Variants in PIPOX observed in about 807,000 individuals in gnomAD.
The protein encoded by PIPOX is peroxisomal sarcosine oxidase.
A neutral mutation model predicts 47.9 loss-of-function variants in PIPOX; 45 were observed. The observed-to-expected ratio is 0.94, with a 90% CI of 0.74 to 1.20. The LOEUF is 1.20. Among genes scored for constraint, PIPOX ranks in the 50% most tolerant of loss-of-function variants. The pLI is 0.00. For missense variants in PIPOX, 458 were observed against 498.4 expected (o/e 0.92, Z 0.77); for synonymous variants, 165 against 191.3 (o/e 0.86, Z 1.13).
intron 7 of PIPOX, 124 bp from the exon 8 acceptor site, chr17:29,056,051 G>A: frequency 7.4e-7 from 1 of 1,347,160 alleles, no homozygotes; most frequent in Non-Finnish European, 1.1e-6. Context: ...CATGGTGGGA[G>A]GCCACTTCTG....
chr17:29,045,821 C>A (rs963104005), intron 2 of PIPOX, among the ~76,000 whole-genome samples: 8 of 152,174 alleles, frequency 5.3e-5, no homozygotes, highest in African/African-American at 1.9e-4. Flanking sequence ...CCTGTAGGAA[C>A]AAAATGGGGA....
rs2065812578 is a variant in PIPOX, at chr17:29,053,037, A to G, written c.381A>G (p.Gln127=). 2 of 1,614,102 alleles carry G rather than the reference A, an allele frequency of 1.2e-6. No individual in the cohort carries two copies. The highest frequency in any genetic ancestry group is 1.7e-6 in the Non-Finnish European group (2 of 1,180,040). Residue 127 remains glutamine (Q), a synonymous_variant, in exon 3 of 8, where the codon CAA becomes CAG. Transcript: ENST00000323372. ...GTCTTTCATCTGAGGAACTGAAGCA[A>G]CGTTTCCCAAATATTCGGTTGCCCA... ...HQCLSSEELK[Q]RFPNIRLPRG...
Position 29,054,640 on chromosome 17 carries a change from T to TC in PIPOX, c.760dup (p.His254ProfsTer28). 1.9e-6 allele frequency: 3 copies of TC among 1,614,068 alleles called. No individual in the cohort carries two copies. The highest frequency in any genetic ancestry group is 2.5e-6 in the Non-Finnish European group (3 of 1,179,992). ...CGTGCTTCCTGTGGCTGGGCTTGTG[T>TC]CCCCACCACATCTACGGACTGCCCA... On this transcript the variant is annotated frameshift_variant, in exon 5 of 8. Coordinates refer to ENST00000323372, the MANE Select transcript of PIPOX (RefSeq NM_016518.3). LOFTEE classifies it high-confidence loss of function.
At position 29,053,014 on chromosome 17, in the gene PIPOX, C is replaced by G. The variant is rs1177295261; in HGVS notation, c.358C>G (p.Leu120Val). 1.9e-6 allele frequency: 3 copies of G among 1,614,106 alleles called. No individual in the cohort carries two copies. Among genetic ancestry groups the G allele is most frequent in the Non-Finnish European group, 2.5e-6 (3 of 1,180,026 alleles). Residue 120 changes from leucine to valine, a missense_variant, in exon 3 of 8, where the codon CTT becomes GTT. Physicochemically the swap from Leu to Val is conservative, Grantham distance 32. Coordinates refer to ENST00000323372, the MANE Select transcript of PIPOX (RefSeq NM_016518.3). ...GAGGCAGAGGGTAGAACACCAGTGT[C>G]TTTCATCTGAGGAACTGAAGCAACG... ...LSRQRVEHQC[L>V]SSEELKQRFP...
At chr17:29,053,161 C>G (rs574205275) in intron 3 of PIPOX, 28 bp downstream of exon 3, 1 of 1,589,806 alleles carries the variant, frequency 6.3e-7, no homozygotes, top group African/African-American at 1.3e-5. Flanking sequence ...TGGGGCGATG[C>G]AGGTGCTCCC....
chr17:29,049,574 G>A (rs1240509451), intron 2 of PIPOX, among the ~76,000 whole-genome samples: 1 of 152,190 alleles, frequency 6.6e-6, no homozygotes, highest in Non-Finnish European at 1.5e-5. Context: ...TCCAATCCCG[G>A]TTTTGACTGA....
Position 29,053,054 on chromosome 17 carries a change from G to C in PIPOX, c.398G>C (p.Arg133Pro). 6.2e-7 allele frequency: 1 copy of C among 1,614,210 alleles called. No homozygotes were observed. Among genetic ancestry groups the C allele is most frequent in the South Asian group, 1.1e-5 (1 of 91,080 alleles). ...CTGAAGCAACGTTTCCCAAATATTC[G>C]GTTGCCCAGGGGAGAAGTGGGGCTC... ...EELKQRFPNI[R>P]LPRGEVGLLD... The change falls in exon 3 of 8, where the codon CGG becomes CCG. Residue 133 changes from arginine to proline, a missense_variant. Physicochemically the swap from Arg to Pro is moderately radical, Grantham distance 103. Coordinates refer to ENST00000323372, the MANE Select transcript of PIPOX (RefSeq NM_016518.3).
At chr17:29,049,757 G>A (rs2065798912) in intron 2 of PIPOX, among the ~76,000 whole-genome samples, 1 of 152,146 alleles carries the variant, frequency 6.6e-6, no homozygotes, top group African/African-American at 2.4e-5. Context: ...TTTCCCTCAG[G>A]CCAAATAGCT....
chr17:29,056,581 T>C lies in PIPOX; in HGVS notation c.*276T>C. On this transcript the variant is annotated 3_prime_UTR_variant, in exon 8 of 8. Coordinates refer to ENST00000323372, the MANE Select transcript of PIPOX (RefSeq NM_016518.3). ...AACTACTTTCTCGCTCCCAGAAGGT[T>C]GATCAGATATTCTACAATCACAGAG... 3.8e-6 allele frequency: 2 copies of C among 522,652 alleles called. No individual in the cohort carries two copies. Among genetic ancestry groups the C allele is most frequent in the South Asian group, 5.0e-5 (2 of 40,134 alleles). The allele number at this position is 522,652 out of a possible 1,614,324, so 32.4% of individuals were successfully genotyped here.
rs1364805969 is a variant in PIPOX at position 29,052,915 on chromosome 17, A to C, written c.264-5A>C. The C allele has an allele frequency of 2.5e-6, 4 of 1,613,704 alleles. No homozygotes were observed. The South Asian group carries it at 3.3e-5, about 13-fold the overall frequency. ...CCTTCACCTAGGTGACTTATTTTTT[A>C]ACAGGCAGACTGGATTACTGCTGCT... On this transcript the variant is annotated splice_region_variant and splice_polypyrimidine_tract_variant and intron_variant, in intron 2 of 7. Transcript: ENST00000323372.
chr17:29,047,383 T>C (rs1211280427), intron 2 of PIPOX, among the ~76,000 whole-genome samples: 1 of 152,182 alleles, frequency 6.6e-6, no homozygotes, highest in Non-Finnish European at 1.5e-5. Context: ...CTCCTCACAA[T>C]CTTATGAGAG....
Position 29,055,001 on chromosome 17 carries a change from C to T in PIPOX, c.808-62C>T, listed in dbSNP as rs985714460. 26 of 1,598,854 alleles carry T rather than the reference C, an allele frequency of 1.6e-5. No individual in the cohort carries two copies. The East Asian group carries it at 3.6e-4, about 22-fold the overall frequency. Reference sequence around the variant, plus strand: ...CTGTCCTGTGTACACGCCTGCCCTTCGGCTGTGGGTGTGTGTGGAAGGCCA... The same window carrying T: ...CTGTCCTGTGTACACGCCTGCCCTTTGGCTGTGGGTGTGTGTGGAAGGCCA... On this transcript the variant is annotated intron_variant, in intron 5 of 7. Coordinates refer to ENST00000323372, the MANE Select transcript of PIPOX (RefSeq NM_016518.3).
intron 2 of PIPOX, among the ~76,000 whole-genome samples, chr17:29,046,185 C>T (rs1412454006): frequency 6.6e-6 from 1 of 152,220 alleles, no homozygotes; most frequent in Non-Finnish European, 1.5e-5. Flanking sequence ...GCAGCTAATG[C>T]ACCCAGCACC....
intron 1 of PIPOX, 81 bp from the exon 2 acceptor site, chr17:29,044,778 C>A: frequency 7.2e-7 from 1 of 1,396,568 alleles, no homozygotes; most frequent in Non-Finnish European, 9.7e-7. Flanking sequence ...TGGTTGACAG[C>A]ACATGCTGAT....
intron 2 of PIPOX, among the ~76,000 whole-genome samples, chr17:29,050,983 G>A (rs3884011): frequency 0.13 from 19,377 of 152,028 alleles, 1,682 homozygotes; most frequent in Middle Eastern, 0.2. Context: ...TGAGCCGGGT[G>A]TGGTGGTGAG....
At chr17:29,055,695 G>C (rs528385807) in intron 6 of PIPOX, 118 bp from the exon 7 acceptor site, 37 of 865,378 alleles carry the variant, frequency 4.3e-5, no homozygotes, top group Non-Finnish European at 7.0e-5. Context: ...AAGCATCCTT[G>C]TGCCTCATTC....
intron 2 of PIPOX, among the ~76,000 whole-genome samples, chr17:29,047,540 G>A (rs1005039636): frequency 5.9e-5 from 9 of 152,152 alleles, no homozygotes; most frequent in Admixed American, 5.2e-4. Flanking sequence ...CGTGGTCTCT[G>A]TTACAATTAT....
chr17:29,044,795 C>A (rs372571000), intron 1 of PIPOX, 64 bp from the exon 2 acceptor site: 1 of 1,518,972 alleles, frequency 6.6e-7, no homozygotes, highest in African/African-American at 1.4e-5. Context: ...TGATATGGCT[C>A]TTAACAGGGG....
Position 29,055,856 on chromosome 17 carries a change from A to G in PIPOX, c.1010A>G (p.Tyr337Cys), listed in dbSNP as rs1388515313. 6.2e-7 allele frequency: 1 copy of G among 1,613,882 alleles called. No individual in the cohort carries two copies. The highest frequency in any genetic ancestry group is 8.5e-7 in the Non-Finnish European group (1 of 1,179,890). The part of the protein sequence containing the change: ...EQFILDRHPK[Y>C]DNIVIGAGFS... The stretch of plus-strand genomic sequence containing the variant: ...TTCATTCTCGATCGCCACCCAAAGT[A>G]TGACAACATTGTCATTGGTGCTGGA... Residue 337 changes from tyrosine (Y) to cysteine (C), a missense_variant, in exon 7 of 8, where the codon TAT becomes TGT. Physicochemically the swap from Tyr to Cys is radical, Grantham distance 194. Coordinates refer to ENST00000323372, the MANE Select transcript of PIPOX (RefSeq NM_016518.3).
Sources: allele counts gnomAD v4.1 joint callset (sites outside exome capture counted in the v4.1 genomes callset), GRCh38; gene constraint gnomAD v4.1.1; transcripts MANE v1.5; gene names NCBI Gene and HGNC (gene_info 2026-07-23, HGNC 2026-07-21).